The following DCUN1D2 variants were observed in gnomAD, a reference collection of about 807,000 sequenced individuals.
DCUN1D2 encodes the protein DCN1-like protein 2.
Under a neutral mutation model 30.9 loss-of-function variants are expected in DCUN1D2, and 29 were observed. The ratio of observed to expected loss-of-function variants is 0.94; its 90% confidence interval spans 0.70 to 1.28. DCUN1D2 has a LOEUF of 1.28. Among genes scored for constraint, DCUN1D2 ranks in the 50% most tolerant of loss-of-function variants. The probability of loss-of-function intolerance (pLI) is 0.00; values close to 1 mark genes in which losing one functional copy is unlikely to be tolerated. For synonymous variants in DCUN1D2, 121 were observed against 115.3 expected (o/e 1.05, Z -0.32); for missense variants, 325 against 316.9 (o/e 1.03, Z -0.19).
intron 5 of DCUN1D2, among the ~76,000 whole-genome samples, chr13:113,459,792 T>C (rs912135163): frequency 6.6e-6 from 1 of 152,250 alleles, no homozygotes; most frequent in African/African-American, 2.4e-5. Flanking sequence ...CATAGTTTTC[T>C]GCAACTTGTT....
intron 4 of DCUN1D2, among the ~76,000 whole-genome samples, chr13:113,466,054 T>G (rs1036349808): frequency 6.6e-6 from 1 of 152,080 alleles, no homozygotes; most frequent in Non-Finnish European, 1.5e-5. Context: ...CTCAGCTAAT[T>G]TTTTGTATTT....
intron 2 of DCUN1D2, among the ~76,000 whole-genome samples, chr13:113,483,351 T>C (rs2044742641): frequency 1.3e-5 from 2 of 152,128 alleles, no homozygotes. Flanking sequence ...CTGAAGCTAT[T>C]TCAGGGCTGA....
rs748773914 is a variant in DCUN1D2 at position 113,458,067 on chromosome 13, G to A, written c.742C>T (p.Arg248Trp). Residue 248 changes from arginine to tryptophan, a missense_variant, in exon 7 of 7, where the codon CGG becomes TGG. By Grantham distance (101) the Arg-to-Trp change is moderately radical (BLOSUM62 -3). Transcript: ENST00000478244. ...VLIDDFVEYARPVVTGGKRSL... is the reference protein window; with the variant it reads ...VLIDDFVEYAWPVVTGGKRSL... The stretch of plus-strand genomic sequence containing the variant: ...CGTTTTCCACCTGTGACTACTGGCC[G>A]TGCATATTCTACAAAATCATCTATA... The A allele has an allele frequency of 7.4e-6, 12 of 1,614,002 alleles. No individual in the cohort carries two copies. Among genetic ancestry groups the A allele is most frequent in the African/African-American group, 6.7e-5 (5 of 74,894 alleles).
chr13:113,478,642 T>C (rs937390070), intron 3 of DCUN1D2, among the ~76,000 whole-genome samples: 2 of 152,194 alleles, frequency 1.3e-5, no homozygotes, highest in African/African-American at 4.8e-5. Context: ...AGCTTACATA[T>C]ATTGTATTTT....
In DCUN1D2 at chr13:113,474,726, A is replaced by G. The variant is rs188402828; in HGVS notation, c.390-472T>C. 2.9e-3 allele frequency among the ~76,000 whole-genome samples: 443 copies of G among 152,194 alleles called. 2 individuals are homozygous for G. Among genetic ancestry groups the G allele is most frequent in the African/African-American group, 0.01 (420 of 41,532 alleles). On this transcript the variant is annotated intron_variant, in intron 3 of 6. Transcript: ENST00000478244. ...ATGAGGTGACAAGATGGCAGAGACG[A>G]GGTAATGGAAAGATGGAAAGACCGC...
At chr13:113,473,446 T>C (rs1425769817) in intron 4 of DCUN1D2, among the ~76,000 whole-genome samples, 4 of 152,204 alleles carry the variant, frequency 2.6e-5, no homozygotes, top group Non-Finnish European at 5.9e-5. Context: ...TAATGGTCCA[T>C]ACAAATGGAG....
In DCUN1D2 at chr13:113,455,995, C is replaced by T. The variant is rs144997293; in HGVS notation, c.*2034G>A. On this transcript the variant is annotated 3_prime_UTR_variant, in exon 7 of 7. Transcript: ENST00000478244. ...TTTAAATCTCAAAAACAAAAAAGTA[C>T]TGTGGATCTCCATAGTTTATACAGA... 2.6e-6 allele frequency: 1 copy of T among 388,056 alleles called. No individual in the cohort carries two copies. The highest frequency in any genetic ancestry group is 3.7e-5 in the East Asian group (1 of 27,148). 24.0% of individuals were successfully genotyped at this position (388,056 alleles called of 1,614,324 possible).
chr13:113,459,042 C>A (rs963484574), intron 6 of DCUN1D2, among the ~76,000 whole-genome samples: 1 of 152,200 alleles, frequency 6.6e-6, no homozygotes, highest in Non-Finnish European at 1.5e-5. Flanking sequence ...GGTGGTTTCC[C>A]AATACCTAAC....
chr13:113,483,717 G>T, intron 2 of DCUN1D2, 123 bp downstream of exon 2: 2 of 887,742 alleles, frequency 2.3e-6, no homozygotes, highest in Non-Finnish European at 3.5e-6. Context: ...CGAGCGCTGA[G>T]CGTGGGGAGG....
intron 4 of DCUN1D2, chr13:113,462,896 G>T: frequency 8.0e-7 from 1 of 1,245,508 alleles, no homozygotes; most frequent in Non-Finnish European, 1.0e-6. Flanking sequence ...GTGAACCTGG[G>T]GAGGAAAAAA....
intron 4 of DCUN1D2, among the ~76,000 whole-genome samples, chr13:113,469,385 A>G (rs2044464890): frequency 6.6e-6 from 1 of 152,258 alleles, no homozygotes; most frequent in African/African-American, 2.4e-5. Flanking sequence ...GAACAGATCA[A>G]AAGTGCAACC....
intron 4 of DCUN1D2, chr13:113,462,786 T>C (rs1229484796): frequency 7.0e-6 from 8 of 1,137,484 alleles, no homozygotes; most frequent in Non-Finnish European, 8.8e-6. Context: ...AGTCTTGTCC[T>C]GCTTATAAGT....
chr13:113,472,030 C>G (rs1031259904), intron 4 of DCUN1D2, among the ~76,000 whole-genome samples: 1 of 152,128 alleles, frequency 6.6e-6, no homozygotes, highest in Non-Finnish European at 1.5e-5. Flanking sequence ...GTATTACCCC[C>G]CCAACCCCGC....
chr13:113,466,030 T>C (rs986219961), intron 4 of DCUN1D2, among the ~76,000 whole-genome samples: 1 of 152,086 alleles, frequency 6.6e-6, no homozygotes, highest in African/African-American at 2.4e-5. Flanking sequence ...GGACTACAGG[T>C]GTGTGCCACC....
intron 4 of DCUN1D2, among the ~76,000 whole-genome samples, chr13:113,468,043 T>TAA (rs59075073): frequency 1.2e-4 from 12 of 97,190 alleles, no homozygotes; most frequent in Admixed American, 3.5e-4. Flanking sequence ...GGATCCATCT[T>TAA]AAAAAAAAAA....
At chr13:113,473,363 G>A (rs553354298) in intron 4 of DCUN1D2, among the ~76,000 whole-genome samples, 3 of 152,288 alleles carry the variant, frequency 2.0e-5, no homozygotes, top group Middle Eastern at 3.4e-3. Context: ...AGGGTTAGGA[G>A]TGACAGTTAA....
chr13:113,460,961 G>T, intron 5 of DCUN1D2, 93 bp downstream of exon 5: 2 of 750,102 alleles, frequency 2.7e-6, no homozygotes, highest in South Asian at 1.8e-5. Flanking sequence ...AAACCTCCAC[G>T]TGTGAGACCT....
chr13:113,460,441 T>C (rs566835062), intron 5 of DCUN1D2, among the ~76,000 whole-genome samples: 1 of 152,356 alleles, frequency 6.6e-6, no homozygotes, highest in African/African-American at 2.4e-5. Flanking sequence ...ACCGGGCTTG[T>C]GGCCACTCAC....
chr13:113,479,624 G>A (rs1020678478), intron 3 of DCUN1D2, among the ~76,000 whole-genome samples: 5 of 152,130 alleles, frequency 3.3e-5, no homozygotes, highest in Non-Finnish European at 5.9e-5. Context: ...AGCCGGGCAT[G>A]AGGCATGAGA....
Sources: gnomAD v4.1 joint callset for allele counts (sites outside exome capture counted in the v4.1 genomes callset) on GRCh38, gnomAD v4.1.1 for gene constraint, MANE v1.5 for transcripts, NCBI Gene and HGNC (gene_info 2026-07-23, HGNC 2026-07-21) for gene names.